ASB4: variants seen among roughly 807,000 people sequenced by gnomAD.
ASB4 encodes the protein ankyrin repeat and SOCS box protein 4.
A neutral mutation model predicts 38.6 loss-of-function variants in ASB4; 35 were observed. That is an observed-to-expected ratio of 0.91 (90% CI 0.69 to 1.20). The LOEUF (loss-of-function observed/expected upper bound fraction) is 1.20, where lower values mean the gene tolerates loss of function less well. Ranked by LOEUF, ASB4 falls within the 50% of genes most tolerant of loss-of-function variation. The pLI is 0.00. For synonymous variants in ASB4, 195 were observed against 201.3 expected (o/e 0.97, Z 0.26); for missense variants, 557 against 527.2 (o/e 1.06, Z -0.55).
Position 95,538,808 on chromosome 7 carries a change from G to A in ASB4, c.*1049G>A, listed in dbSNP as rs1790931758. On this transcript the variant is annotated 3_prime_UTR_variant, in exon 5 of 5. Coordinates refer to ENST00000325885, the MANE Select transcript of ASB4 (RefSeq NM_016116.3). ...AAAATGGGGGAAAGAAAGTGTGTGA[G>A]GGGACCTAGTTGATTACTTCGGTCT... 1 of 152,160 alleles carries A rather than the reference G, an allele frequency of 6.6e-6. No homozygotes were observed. The highest frequency in any genetic ancestry group is 1.5e-5 in the Non-Finnish European group (1 of 68,038). The allele number at this position is 152,160 out of a possible 1,614,324, so 9.4% of individuals were successfully genotyped here.
At chr7:95,506,927 T>C (rs557014586) in intron 2 of ASB4, among the ~76,000 whole-genome samples, 1 of 152,246 alleles carries the variant, frequency 6.6e-6, no homozygotes, top group Admixed American at 6.5e-5. Flanking sequence ...TCTAATTATC[T>C]TGTATTGTCT....
At chr7:95,542,087 A>G (rs1166577906), downstream of ASB4, 6 of 152,094 alleles carry the variant, frequency 3.9e-5, no homozygotes, top group Admixed American at 2.6e-4. Context: ...AAAAAAACAA[A>G]AAAAAAACCC....
downstream of ASB4, among the ~76,000 whole-genome samples, chr7:95,541,745 C>A (rs937807730): frequency 6.6e-6 from 1 of 152,036 alleles, no homozygotes; most frequent in African/African-American, 2.4e-5. Context: ...GAGCTGATTT[C>A]GCAGCTGTTT....
intron 2 of ASB4, among the ~76,000 whole-genome samples, chr7:95,524,684 TA>T (rs1258553475): frequency 2.6e-5 from 4 of 152,210 alleles, no homozygotes; most frequent in Non-Finnish European, 5.9e-5. Flanking sequence ...TAAGTTATGT[TA>T]AAATCATACT....
At chr7:95,549,332 T>C in the ASB4 span, among the ~76,000 whole-genome samples, 2 of 116,304 alleles carry the variant, frequency 1.7e-5, no homozygotes, top group African/African-American at 7.3e-5. Context: ...AGTCTCGCCC[T>C]GTCGCCCAGG....
chr7:95,504,437 T>G (rs116886372), intron 2 of ASB4, among the ~76,000 whole-genome samples: 2,113 of 152,298 alleles, frequency 0.014, 68 homozygotes, highest in Admixed American at 0.058. Flanking sequence ...GAAATAGATA[T>G]GCCTGCTGGA....
At chr7:95,483,658 T>G (rs1049567191), upstream of ASB4, among the ~76,000 whole-genome samples, 1 of 152,178 alleles carries the variant, frequency 6.6e-6, no homozygotes, top group African/African-American at 2.4e-5. Flanking sequence ...GTATGGGAAA[T>G]GGAGGCGATC....
At chr7:95,497,483 C>T (rs1790268136) in intron 2 of ASB4, among the ~76,000 whole-genome samples, 1 of 152,134 alleles carries the variant, frequency 6.6e-6, no homozygotes, top group South Asian at 2.1e-4. Flanking sequence ...GATAGTGATG[C>T]CATTTTTTGA....
chr7:95,536,881 A>G (rs1790896594), intron 4 of ASB4, among the ~76,000 whole-genome samples: 1 of 152,232 alleles, frequency 6.6e-6, no homozygotes, highest in African/African-American at 2.4e-5. Flanking sequence ...CCAGAATATT[A>G]AAGCGTTTTG....
intron 1 of ASB4, among the ~76,000 whole-genome samples, chr7:95,487,244 A>G (rs1790104058): frequency 6.6e-6 from 1 of 152,190 alleles, no homozygotes; most frequent in Non-Finnish European, 1.5e-5. Context: ...CAAGGGCTTT[A>G]TAATATTTTG....
intron 2 of ASB4, among the ~76,000 whole-genome samples, chr7:95,506,682 G>GTT (rs1790413005): frequency 7.6e-6 from 1 of 131,898 alleles, no homozygotes. Context: ...GGGGAATTTA[G>GTT]ATTCTTTTTT....
At chr7:95,503,694 C>T (rs1019878747) in intron 2 of ASB4, among the ~76,000 whole-genome samples, 6 of 152,066 alleles carry the variant, frequency 3.9e-5, no homozygotes, top group African/African-American at 9.7e-5. Context: ...AACATATAGA[C>T]GAGGAAAATA....
intron 1 of ASB4, among the ~76,000 whole-genome samples, chr7:95,487,250 T>C (rs1367826490): frequency 6.6e-6 from 1 of 152,182 alleles, no homozygotes; most frequent in Non-Finnish European, 1.5e-5. Flanking sequence ...CTTTATAATA[T>C]TTTGGCATTA....
the ASB4 span, among the ~76,000 whole-genome samples, chr7:95,549,592 C>T: frequency 3.9e-3 from 591 of 152,142 alleles, 1 homozygote; most frequent in Non-Finnish European, 7.1e-3. Context: ...CCACCGCGCC[C>T]GGCCGAGACT....
chr7:95,500,650 C>G (rs1400570600), intron 2 of ASB4, among the ~76,000 whole-genome samples: 3 of 149,910 alleles, frequency 2.0e-5, no homozygotes, highest in African/African-American at 7.4e-5. Context: ...TTCAGCCCAG[C>G]ATATTCTCCT....
intron 2 of ASB4, among the ~76,000 whole-genome samples, chr7:95,504,027 T>C (rs1034194204): frequency 2.0e-5 from 3 of 152,188 alleles, no homozygotes; most frequent in Non-Finnish European, 4.4e-5. Context: ...GTTCATCAGT[T>C]GAGAAGGCTT....
chr7:95,531,330 A>G (rs1790816777), intron 3 of ASB4, among the ~76,000 whole-genome samples: 1 of 152,040 alleles, frequency 6.6e-6, no homozygotes, highest in South Asian at 2.1e-4. Context: ...AAAAACATCT[A>G]CCTCTGTAAT....
At chr7:95,548,749 G>A in the ASB4 span, among the ~76,000 whole-genome samples, 4 of 152,168 alleles carry the variant, frequency 2.6e-5, no homozygotes, top group African/African-American at 9.7e-5. Context: ...GCTTGACTAA[G>A]TATTAGATTA....
At chr7:95,545,285 T>C in the ASB4 span, among the ~76,000 whole-genome samples, 6 of 152,136 alleles carry the variant, frequency 3.9e-5, no homozygotes, top group Admixed American at 3.3e-4. Context: ...GAAAGGTAAA[T>C]AGGTATTCTA....
Sources: allele counts gnomAD v4.1 joint callset (sites outside exome capture counted in the v4.1 genomes callset), GRCh38; gene constraint gnomAD v4.1.1; transcripts MANE v1.5; gene names NCBI Gene and HGNC (gene_info 2026-07-23, HGNC 2026-07-21).